Variants in HCN1 observed in about 807,000 individuals in gnomAD.
HCN1 encodes potassium/sodium hyperpolarization-activated cyclic nucleotide-gated channel 1.
A neutral mutation model predicts 78.9 loss-of-function variants in HCN1; 13 were observed. The ratio of observed to expected loss-of-function variants is 0.16; its 90% CI spans 0.11 to 0.26. HCN1 has a LOEUF of 0.26. HCN1 is among the 10% of genes least tolerant of loss of function. The pLI, the probability that HCN1 is intolerant of heterozygous loss-of-function variation, is 1.00. For synonymous variants in HCN1, 552 were observed against 455.5 expected (o/e 1.21, Z -2.70); for missense variants, 810 against 1,154.3 (o/e 0.70, Z 4.32).
intron 4 of HCN1, among the ~76,000 whole-genome samples, chr5:45,391,848 T>C (rs1415256951): frequency 6.6e-6 from 1 of 151,846 alleles, no homozygotes; most frequent in African/African-American, 2.4e-5. Flanking sequence ...ACAGAGAGAG[T>C]AAATACGGTA....
In HCN1 at chr5:45,514,433, G is replaced by C. The variant is rs181218059; in HGVS notation, c.850-52426C>G. On this transcript the variant is annotated intron_variant, in intron 2 of 7. Coordinates refer to ENST00000303230, the MANE Select transcript of HCN1 (RefSeq NM_021072.4). ...AGCCAGACAATCTTATTAAAATACT[G>C]ACTGGATCATGTAATTCAAAACCTT... Among the ~76,000 whole-genome samples, 1,421 of 152,080 alleles carry C rather than the reference G, an allele frequency of 9.3e-3. 10 individuals carry two copies. The highest frequency in any genetic ancestry group is 0.014 in the Middle Eastern group (4 of 294).
rs981588066 is a variant in HCN1, at chr5:45,260,061, T to C, written c.*1860A>G. 3.3e-5 allele frequency: 5 copies of C among 152,358 alleles called. No individual in the cohort carries two copies. The highest frequency in any genetic ancestry group is 7.4e-5 in the Non-Finnish European group (5 of 68,012). 9.4% of individuals were successfully genotyped at this position (152,358 alleles called of 1,614,324 possible). On this transcript the variant is annotated 3_prime_UTR_variant, in exon 8 of 8. Transcript: ENST00000303230. ...TTTGAAATTAAACATAACAACTCAT[T>C]TTGGTATTATAGGTATTATATCCAC...
At position 45,377,944 on chromosome 5, in the gene HCN1, T is replaced by C. The variant is rs113465085; in HGVS notation, c.1230+18548A>G. On this transcript the variant is annotated intron_variant, in intron 4 of 7. Coordinates refer to ENST00000303230, the MANE Select transcript of HCN1 (RefSeq NM_021072.4). Reference sequence around the variant, plus strand: ...ATGATATTAAGAAAGGGGATCTCCTTACCCTGTATCCTCAACCAGTACTAT... The same window carrying C: ...ATGATATTAAGAAAGGGGATCTCCTCACCCTGTATCCTCAACCAGTACTAT... Among the ~76,000 whole-genome samples the C allele has an allele frequency of 1.3e-3, 202 of 152,064 alleles. 2 individuals are homozygous for C. The highest frequency in any genetic ancestry group is 4.7e-3 in the African/African-American group (196 of 41,528).
rs1744774998 is a variant in HCN1 at position 45,262,686 on chromosome 5, G to C, written c.1908C>G (p.Ile636Met). The change falls in exon 8 of 8, where the codon ATC becomes ATG. Residue 636 changes from isoleucine (I) to methionine (M), a missense_variant. Coordinates refer to ENST00000303230, the MANE Select transcript of HCN1 (RefSeq NM_021072.4). ...TCATTTGAGGATAATTGATGGGAGC[G>C]ATTGCCTGCACCATCTCCCTGTCAT... ...VKHDREMVQA[I>M]APINYPQMTT... is the part of the protein sequence containing the mutation. 1.9e-6 allele frequency: 3 copies of C among 1,613,926 alleles called. No individual in the cohort carries two copies. The highest frequency in any genetic ancestry group is 2.5e-6 in the Non-Finnish European group (3 of 1,180,016).
rs182584507 is a variant in HCN1, at chr5:45,411,413, G to A, written c.1012-14703C>T. The stretch of plus-strand genomic sequence containing the variant: ...AGACTAAACCAATGGTGATTCAGGC[G>A]TAATTCCTATTTCTGATGAGCTCCT... On this transcript the variant is annotated intron_variant, in intron 3 of 7. Transcript: ENST00000303230. Among the ~76,000 whole-genome samples the A allele has an allele frequency of 1.2e-4, 18 of 150,902 alleles. 1 individual carries two copies. The Middle Eastern group carries it at 0.01, about 87-fold the overall frequency.
chr5:45,598,445 C>A (rs1299631602), intron 2 of HCN1, among the ~76,000 whole-genome samples: 2 of 152,106 alleles, frequency 1.3e-5, no homozygotes, highest in Non-Finnish European at 2.9e-5. Flanking sequence ...AAATGTTAGA[C>A]CTAAAACCAT....
intron 6 of HCN1, among the ~76,000 whole-genome samples, chr5:45,302,006 C>A (rs913340475): frequency 1.3e-5 from 2 of 151,802 alleles, no homozygotes; most frequent in South Asian, 2.1e-4. Context: ...AGAATAGGAA[C>A]AAAAAAATAA....
chr5:45,557,752 G>C (rs1743501908), intron 2 of HCN1, among the ~76,000 whole-genome samples: 1 of 151,926 alleles, frequency 6.6e-6, no homozygotes, highest in Non-Finnish European at 1.5e-5. Flanking sequence ...ATTTCTTTGA[G>C]GTGCCATGAA....
chr5:45,580,018 T>A (rs1031216432), intron 2 of HCN1, among the ~76,000 whole-genome samples: 1 of 152,088 alleles, frequency 6.6e-6, no homozygotes, highest in African/African-American at 2.4e-5. Context: ...TTGAAAGATA[T>A]ATACTGGAGT....
At chr5:45,392,895 C>G (rs1739612646) in intron 4 of HCN1, among the ~76,000 whole-genome samples, 1 of 151,882 alleles carries the variant, frequency 6.6e-6, no homozygotes, top group African/African-American at 2.4e-5. Flanking sequence ...ACTCGATAAA[C>G]TGAGACTCAG....
At position 45,256,351 on chromosome 5, in the gene HCN1, T is replaced by TGACAGAG. The variant is rs1744613882; in HGVS notation, c.*5563_*5569dup. 1 of 142,778 alleles carries TGACAGAG rather than the reference T, an allele frequency of 7.0e-6. No individual in the cohort carries two copies. Among genetic ancestry groups the TGACAGAG allele is most frequent in the African/African-American group, 2.7e-5 (1 of 37,430 alleles). 8.8% of individuals were successfully genotyped at this position (142,778 alleles called of 1,614,324 possible). On this transcript the variant is annotated 3_prime_UTR_variant, in exon 8 of 8. Transcript: ENST00000303230. ...TCCTGCCATTGCACTCCCACCTGGG[T>TGACAGAG]GACAGAGCCAGACTCCATCTTAAAA...
chr5:45,293,174 C>T (rs534359517), intron 6 of HCN1, among the ~76,000 whole-genome samples: 1 of 152,026 alleles, frequency 6.6e-6, no homozygotes, highest in Non-Finnish European at 1.5e-5. Context: ...AATTACAACA[C>T]TGTCTTCCAC....
chr5:45,672,335 T>A (rs1407375893), intron 1 of HCN1, among the ~76,000 whole-genome samples: 1 of 151,602 alleles, frequency 6.6e-6, no homozygotes, highest in Non-Finnish European at 1.5e-5. Flanking sequence ...TTGTTAATAA[T>A]AATAAGCTTC....
At chr5:45,525,978 C>G (rs1742728911) in intron 2 of HCN1, among the ~76,000 whole-genome samples, 1 of 151,966 alleles carries the variant, frequency 6.6e-6, no homozygotes, top group Non-Finnish European at 1.5e-5. Context: ...AGCCCCTTCT[C>G]TTTCCACCAG....
intron 2 of HCN1, among the ~76,000 whole-genome samples, chr5:45,571,591 C>T (rs1743837473): frequency 1.3e-5 from 2 of 152,140 alleles, no homozygotes; most frequent in African/African-American, 4.8e-5. Flanking sequence ...AGGATATTTA[C>T]TACAGATTTT....
intron 2 of HCN1, among the ~76,000 whole-genome samples, chr5:45,486,706 C>A (rs1741771241): frequency 6.6e-6 from 1 of 151,982 alleles, no homozygotes; most frequent in Admixed American, 6.6e-5. Context: ...ATCTTCATAG[C>A]TCATCAAAAT....
At position 45,501,687 on chromosome 5, in the gene HCN1, G is replaced by A. The variant is rs144298302; in HGVS notation, c.850-39680C>T. On this transcript the variant is annotated intron_variant, in intron 2 of 7. Coordinates refer to ENST00000303230, the MANE Select transcript of HCN1 (RefSeq NM_021072.4). ...AACTCCTGACCCGGGAGATCCGCAC[G>A]CCTCGGCCTCCCAAAGTGCTAGGAT... is the stretch of plus-strand genomic sequence containing the variant. Among the ~76,000 whole-genome samples the A allele has an allele frequency of 6.0e-3, 917 of 152,172 alleles. 6 individuals carry two copies. The highest frequency in any genetic ancestry group is 0.01 in the Admixed American group (156 of 15,284).
intron 2 of HCN1, among the ~76,000 whole-genome samples, chr5:45,519,715 T>C (rs1013694576): frequency 3.3e-5 from 5 of 152,040 alleles, no homozygotes; most frequent in African/African-American, 7.2e-5. Flanking sequence ...TCATTATTCA[T>C]TGAAACCTGT....
intron 2 of HCN1, among the ~76,000 whole-genome samples, chr5:45,489,521 T>A (rs2111694913): frequency 6.6e-6 from 1 of 152,248 alleles, no homozygotes; most frequent in South Asian, 2.1e-4. Context: ...AGAAATTCCA[T>A]GCATCTCCCA....
Sources: allele counts gnomAD v4.1 joint callset (sites outside exome capture counted in the v4.1 genomes callset), GRCh38; gene constraint gnomAD v4.1.1; transcripts MANE v1.5; gene names NCBI Gene and HGNC (gene_info 2026-07-23, HGNC 2026-07-21).